ABL2: variants seen among roughly 807,000 people sequenced by gnomAD.
The protein encoded by ABL2 is ABL proto-oncogene 2, non-receptor tyrosine kinase.
In ABL2, 49 loss-of-function variants were observed where a neutral mutation model predicts 107.7. The observed-to-expected ratio is 0.45, with a 90% CI of 0.36 to 0.58. The LOEUF (loss-of-function observed/expected upper bound fraction) is 0.58, where lower values mean the gene tolerates loss of function less well. ABL2 is among the 20% of genes least tolerant of loss of function. ABL2 has a pLI of 0.00. For missense variants in ABL2, 1,245 were observed against 1,457.0 expected (o/e 0.85, Z 2.37); for synonymous variants, 549 against 548.6 (o/e 1.00, Z -0.01).
At chr1:179,165,144 A>T (rs1338273708) in intron 1 of ABL2, among the ~76,000 whole-genome samples, 2 of 152,202 alleles carry the variant, frequency 1.3e-5, no homozygotes, top group African/African-American at 2.4e-5. Context: ...AGACATTGTG[A>T]CACAGCATGT....
intron 1 of ABL2, among the ~76,000 whole-genome samples, chr1:179,146,330 GAGA>G (rs1657986680): frequency 6.6e-6 from 1 of 152,128 alleles, no homozygotes; most frequent in South Asian, 2.1e-4. Flanking sequence ...CAACATAAGA[GAGA>G]AGGAGAAAAT....
intron 1 of ABL2, chr1:179,184,536 GT>G (rs1296123996): frequency 1.7e-6 from 1 of 598,064 alleles, no homozygotes; most frequent in Non-Finnish European, 3.0e-6. Flanking sequence ...GTACTACTTG[GT>G]TACCGACTGA....
In ABL2 at chr1:179,130,936, AT is replaced by A. The variant is rs11382795; in HGVS notation, c.391+374del. Among the ~76,000 whole-genome samples, 404 of 142,586 alleles carry A rather than the reference AT, an allele frequency of 2.8e-3. 1 individual carries two copies. The highest frequency in any genetic ancestry group is 8.8e-3 in the South Asian group (39 of 4,444). 93.5% of individuals were successfully genotyped at this position (142,586 alleles called of 152,430 possible). ...GGGGAAAAAAATGTATTTCAGGATA[AT>A]TTTTTTTTTTTTTTCTTTTTTGAGA... is the stretch of plus-strand genomic sequence containing the variant. On this transcript the variant is annotated intron_variant, in intron 3 of 11. Transcript: ENST00000502732.
chr1:179,184,591 G>A, intron 1 of ABL2: 1 of 558,718 alleles, frequency 1.8e-6, no homozygotes, highest in Non-Finnish European at 3.2e-6. Context: ...GGAGGAGGAG[G>A]AAGAGGAAGG....
At position 179,131,390 on chromosome 1, in the gene ABL2, G is replaced by A; in HGVS notation, c.312C>T (p.Ala104=). 1.2e-6 allele frequency: 2 copies of A among 1,614,180 alleles called. No individual in the cohort carries two copies. The highest frequency in any genetic ancestry group is 1.7e-6 in the Non-Finnish European group (2 of 1,180,024). Residue 104 remains alanine, a synonymous_variant, in exon 3 of 12, where the codon GCC becomes GCT. Transcript: ENST00000502732. ...RWSSKENLLG[A]TESDPNLFVA... is the part of the protein sequence containing the mutation. ...CGAAGAGATTAGGGTCACTCTCAGT[G>A]GCTCCGAGCAAGTTCTCCTTGGAGC...
chr1:179,193,754 C>T (rs1231620916), intron 1 of ABL2, among the ~76,000 whole-genome samples: 5 of 151,736 alleles, frequency 3.3e-5, no homozygotes, highest in East Asian at 1.9e-4. Context: ...TTTTTGGAGA[C>T]GGAGTCTCGC....
intron 1 of ABL2, among the ~76,000 whole-genome samples, chr1:179,148,681 C>G (rs1658173035): frequency 6.6e-6 from 1 of 152,060 alleles, no homozygotes; most frequent in African/African-American, 2.4e-5. Context: ...GTGGACAGAT[C>G]ACATGGTCAG....
intron 1 of ABL2, among the ~76,000 whole-genome samples, chr1:179,147,242 G>C (rs1658061565): frequency 7.1e-6 from 1 of 141,784 alleles, no homozygotes; most frequent in African/African-American, 2.7e-5. Context: ...AGAGAAAAGG[G>C]AACACTTATT....
chr1:179,122,048 C>T (rs1481799980), intron 4 of ABL2, among the ~76,000 whole-genome samples, 181 bp from the exon 5 acceptor site: 4 of 148,776 alleles, frequency 2.7e-5, no homozygotes, highest in African/African-American at 9.9e-5. Flanking sequence ...GCCTCAGCCT[C>T]TCTGAGTAGG....
In ABL2 at chr1:179,114,945, T is replaced by C. The variant is rs2274230; in HGVS notation, c.1494A>G (p.Leu498=). 2 of 1,612,376 alleles carry C rather than the reference T, an allele frequency of 1.2e-6. No homozygotes were observed. The highest frequency in any genetic ancestry group is 2.2e-5 in the East Asian group (1 of 44,792). The change falls in exon 9 of 12, where the codon CTA becomes CTG. Residue 498 remains leucine, a synonymous_variant. Transcript: ENST00000502732. Reference sequence around the variant, plus strand: ...GCTGTTCCATTCGATATCCTTTTTCTAGTAGGTCATAGACCTGAGACAGGT... The same window carrying C: ...GCTGTTCCATTCGATATCCTTTTTCCAGTAGGTCATAGACCTGAGACAGGT... ...GIDLSQVYDL[L]EKGYRMEQPE...
chr1:179,222,689 T>A (rs1662940969), intron 1 of ABL2, among the ~76,000 whole-genome samples: 1 of 152,054 alleles, frequency 6.6e-6, no homozygotes, highest in South Asian at 2.1e-4. Flanking sequence ...GCGCCTGGCC[T>A]GAAACTCACC....
intron 1 of ABL2, among the ~76,000 whole-genome samples, chr1:179,194,653 T>C (rs1661199970): frequency 6.6e-6 from 1 of 152,222 alleles, no homozygotes; most frequent in Admixed American, 6.5e-5. Flanking sequence ...ACTGGAACCT[T>C]GTGAGAGACC....
chr1:179,114,316 G>A (rs1301280345), intron 9 of ABL2, among the ~76,000 whole-genome samples: 1 of 151,756 alleles, frequency 6.6e-6, no homozygotes, highest in South Asian at 2.1e-4. Context: ...GCTGAGGCAT[G>A]AGAATCACTT....
At chr1:179,140,077 C>T (rs1657435518) in intron 1 of ABL2, among the ~76,000 whole-genome samples, 1 of 152,168 alleles carries the variant, frequency 6.6e-6, no homozygotes, top group South Asian at 2.1e-4. Context: ...GAGCATAAGT[C>T]AGATTGCTAC....
chr1:179,186,812 T>C (rs1446533222), intron 1 of ABL2, among the ~76,000 whole-genome samples: 4 of 150,856 alleles, frequency 2.7e-5, no homozygotes, highest in African/African-American at 4.9e-5. Context: ...CCTAGGCTCA[T>C]TGCAACCTCC....
chr1:179,189,879 G>A (rs968645205), intron 1 of ABL2, among the ~76,000 whole-genome samples: 2 of 151,608 alleles, frequency 1.3e-5, no homozygotes, highest in African/African-American at 2.4e-5. Context: ...GGAGTGCAAC[G>A]GCGTGATCTC....
At position 179,191,977 on chromosome 1, in the gene ABL2, T is replaced by C. The variant is rs574190100; in HGVS notation, c.157+37264A>G. On this transcript the variant is annotated intron_variant, in intron 1 of 11. Coordinates refer to ENST00000502732, the MANE Select transcript of ABL2 (RefSeq NM_007314.4). ...AAATGGTTTTTCCTTTGCTTTTATATTCTCTTTAAGAAAAATACATTTAAT... is the reference window on the plus strand; with the variant it reads ...AAATGGTTTTTCCTTTGCTTTTATACTCTCTTTAAGAAAAATACATTTAAT... Among the ~76,000 whole-genome samples the C allele has an allele frequency of 7.2e-5, 11 of 152,320 alleles. No homozygotes were observed. In the South Asian group the frequency reaches 2.1e-3, roughly 29 times the overall value.
At chr1:179,139,688 T>G (rs1484038847) in intron 1 of ABL2, among the ~76,000 whole-genome samples, 1 of 152,140 alleles carries the variant, frequency 6.6e-6, no homozygotes, top group East Asian at 1.9e-4. Context: ...GACAGGTCTG[T>G]GGCCTGTTAG....
intron 2 of ABL2, 43 bp from the exon 3 acceptor site, chr1:179,131,524 C>T (rs1220977076): frequency 6.3e-7 from 1 of 1,588,400 alleles, no homozygotes; most frequent in East Asian, 2.2e-5. Context: ...GTGAGTTCAA[C>T]AGCGAAACAT....
Sources: gnomAD v4.1 joint callset for allele counts (sites outside exome capture counted in the v4.1 genomes callset) on GRCh38, gnomAD v4.1.1 for gene constraint, MANE v1.5 for transcripts, NCBI Gene and HGNC (gene_info 2026-07-23, HGNC 2026-07-21) for gene names.